The following TMED3 variants were observed in gnomAD, a reference collection of about 807,000 sequenced individuals.
TMED3 encodes transmembrane emp24 domain-containing protein 3.
A neutral mutation model predicts 15.0 loss-of-function variants in TMED3; 9 were observed. The ratio of observed to expected loss-of-function variants is 0.60; its 90% CI spans 0.36 to 1.04. The LOEUF (loss-of-function observed/expected upper bound fraction) is 1.04. Among genes scored for constraint, TMED3 ranks in the 50% least tolerant of loss-of-function variants. The pLI, the probability that TMED3 is intolerant of heterozygous loss-of-function variation, is 0.01. For missense variants in TMED3, 267 were observed against 278.9 expected (o/e 0.96, Z 0.30); for synonymous variants, 117 against 121.4 (o/e 0.96, Z 0.24).
chr15:79,369,238 C>T (rs965498775), intron 2 of TMED3, among the ~76,000 whole-genome samples: 1 of 152,166 alleles, frequency 6.6e-6, no homozygotes, highest in Admixed American at 6.5e-5. Context: ...CAAAAGCATG[C>T]CCACTAGGAA....
At chr15:79,403,760 G>C (rs568454936) in intron 2 of TMED3, among the ~76,000 whole-genome samples, 1 of 152,250 alleles carries the variant, frequency 6.6e-6, no homozygotes, top group South Asian at 2.1e-4. Context: ...CACAACCTAT[G>C]ATCCAACGGA....
In TMED3 at chr15:79,311,431, C is replaced by T. The variant is rs764611469; in HGVS notation, c.168+14C>T. 1 of 1,596,676 alleles carries T rather than the reference C, an allele frequency of 6.3e-7. No individual in the cohort carries two copies. Among genetic ancestry groups the T allele is most frequent in the South Asian group, 1.1e-5 (1 of 88,288 alleles). On this transcript the variant is annotated intron_variant, in intron 1 of 2. Transcript: ENST00000299705. The stretch of plus-strand genomic sequence containing the variant: ...CTGGATTACCAGGTGAGGCCGGGCG[C>T]CCGGCAGCGCTCCCTTCTCCCTCCA...
chr15:79,339,662 C>T (rs1595893036), intron 2 of TMED3, among the ~76,000 whole-genome samples: 1 of 151,860 alleles, frequency 6.6e-6, no homozygotes, highest in African/African-American at 2.4e-5. Context: ...GTGGTGATGA[C>T]AGAGGAGTGG....
At chr15:79,384,377 T>C (rs372457504) in intron 2 of TMED3, 1 of 152,226 alleles carries the variant, frequency 6.6e-6, no homozygotes, top group Non-Finnish European at 1.5e-5. Flanking sequence ...GGCAAAGATA[T>C]ATACATCATT....
intron 2 of TMED3, among the ~76,000 whole-genome samples, chr15:79,351,303 A>C (rs1296815168): frequency 6.6e-6 from 1 of 152,214 alleles, no homozygotes; most frequent in Non-Finnish European, 1.5e-5. Flanking sequence ...CCAAGAGTCT[A>C]CGGCTCTGAT....
intron 2 of TMED3, chr15:79,411,254 T>C: frequency 3.6e-6 from 2 of 548,364 alleles, no homozygotes; most frequent in South Asian, 2.2e-5. Context: ...GGGAGGATAA[T>C]TAGAGCCAGC....
At chr15:79,334,075 T>G (rs1436215169) in intron 2 of TMED3, among the ~76,000 whole-genome samples, 1 of 152,136 alleles carries the variant, frequency 6.6e-6, no homozygotes, top group Non-Finnish European at 1.5e-5. Context: ...AACTAATAGC[T>G]TAAGAGTAAC....
At chr15:79,402,234 C>T (rs1232244238) in intron 2 of TMED3, among the ~76,000 whole-genome samples, 1 of 152,146 alleles carries the variant, frequency 6.6e-6, no homozygotes, top group African/African-American at 2.4e-5. Flanking sequence ...ACCCATATAC[C>T]AAAGAGTGGA....
chr15:79,395,235 A>G (rs1893749642), intron 2 of TMED3, among the ~76,000 whole-genome samples: 1 of 152,328 alleles, frequency 6.6e-6, no homozygotes, highest in South Asian at 2.1e-4. Context: ...GCTGGAGTGC[A>G]GTGGCACGAT....
rs761836257 is a variant in TMED3 at position 79,311,136 on chromosome 15, T to C, written c.-114T>C. 148 of 1,209,956 alleles carry C rather than the reference T, an allele frequency of 1.2e-4. No individual in the cohort carries two copies. In the Admixed American group the frequency reaches 2.0e-3, roughly 17 times the overall value. 75.0% of individuals were successfully genotyped at this position (1,209,956 alleles called of 1,614,324 possible). On this transcript the variant is annotated 5_prime_UTR_variant, in exon 1 of 3. Coordinates refer to ENST00000299705, the MANE Select transcript of TMED3 (RefSeq NM_007364.4). ...CCCTCCCGGAAGCGCAGAGCTCCGC[T>C]GGTGCCACGTCTATCCCCTTACATC...
At chr15:79,330,851 C>G (rs2058805691) in intron 2 of TMED3, among the ~76,000 whole-genome samples, 1 of 152,108 alleles carries the variant, frequency 6.6e-6, no homozygotes. Context: ...ATCAAGAGAA[C>G]AGAATAGAAA....
At chr15:79,391,450 C>A (rs1241682397) in intron 2 of TMED3, among the ~76,000 whole-genome samples, 1 of 152,064 alleles carries the variant, frequency 6.6e-6, no homozygotes, top group Non-Finnish European at 1.5e-5. Context: ...GATATAATTT[C>A]AATTTTCTTA....
intron 2 of TMED3, among the ~76,000 whole-genome samples, chr15:79,342,984 T>C (rs1228632962): frequency 6.6e-6 from 1 of 152,028 alleles, no homozygotes; most frequent in East Asian, 1.9e-4. Flanking sequence ...GATTGGGTAG[T>C]AAGGAAGGTC....
At chr15:79,353,928 A>G (rs372823626) in intron 2 of TMED3, among the ~76,000 whole-genome samples, 1 of 152,258 alleles carries the variant, frequency 6.6e-6, no homozygotes, top group African/African-American at 2.4e-5. Context: ...AGCTTCCCCT[A>G]GAATCCTTGT....
At chr15:79,400,429 T>C (rs1893818561) in intron 2 of TMED3, among the ~76,000 whole-genome samples, 1 of 152,248 alleles carries the variant, frequency 6.6e-6, no homozygotes, top group Admixed American at 6.5e-5. Context: ...ATATCAGCTG[T>C]CTTGTTCACC....
intron 2 of TMED3, among the ~76,000 whole-genome samples, chr15:79,315,715 A>G (rs956715338): frequency 4.6e-5 from 7 of 152,172 alleles, no homozygotes; most frequent in African/African-American, 9.7e-5. Flanking sequence ...CTTAGCCTCA[A>G]AAGAGCCGTT....
chr15:79,372,182 A>G (rs1473068028), intron 2 of TMED3, among the ~76,000 whole-genome samples: 1 of 152,222 alleles, frequency 6.6e-6, no homozygotes, highest in Non-Finnish European at 1.5e-5. Flanking sequence ...TAGGTAGGGA[A>G]GTTGTAAAGT....
At chr15:79,380,689 G>A (rs1893518059) in intron 2 of TMED3, among the ~76,000 whole-genome samples, 1 of 151,440 alleles carries the variant, frequency 6.6e-6, no homozygotes, top group Non-Finnish European at 1.5e-5. Context: ...GGCAATATTT[G>A]GGGGATGGAA....
intron 2 of TMED3, among the ~76,000 whole-genome samples, chr15:79,382,178 G>T (rs1297070181): frequency 6.6e-6 from 1 of 152,158 alleles, no homozygotes; most frequent in Non-Finnish European, 1.5e-5. Flanking sequence ...TGAATGGCAG[G>T]CCTGTCCTAG....
Sources: allele counts gnomAD v4.1 joint callset (sites outside exome capture counted in the v4.1 genomes callset), GRCh38; gene constraint gnomAD v4.1.1; transcripts MANE v1.5; gene names NCBI Gene and HGNC (gene_info 2026-07-23, HGNC 2026-07-21).